CDH18: variants seen among roughly 807,000 people sequenced by gnomAD.
CDH18 encodes cadherin-18.
In CDH18, 31 loss-of-function variants were observed where a neutral mutation model predicts 67.9. That is an observed-to-expected ratio of 0.46 (90% CI 0.34 to 0.62). The LOEUF is 0.62. Ranked by LOEUF, CDH18 falls within the 20% of genes least tolerant of loss-of-function variation. CDH18 has a pLI of 0.01. For synonymous variants in CDH18, 362 were observed against 347.2 expected, an observed-to-expected ratio of 1.04 and a Z score of -0.48; for missense variants, 890 against 975.5, an observed-to-expected ratio of 0.91 and a Z score of 1.17.
In CDH18 at chr5:19,571,788, T is replaced by C. The variant is rs142596747; in HGVS notation, c.1044A>G (p.Glu348=). The change falls in exon 8 of 13, where the codon GAA becomes GAG. Residue 348 remains glutamate, a synonymous_variant. Transcript: ENST00000382275. ...GAAAATCAAGATGTGTATTTGCTCC[T>C]TCTATGTTGAGGGTATATGACTTCT... The part of the protein sequence containing the change: ...EKKKSYTLNI[E]GANTHLDFRF... 3.3e-5 allele frequency: 53 copies of C among 1,613,614 alleles called. No homozygotes were observed. In the African/African-American group the frequency reaches 6.8e-4, roughly 21 times the overall value.
intron 7 of CDH18, among the ~76,000 whole-genome samples, chr5:19,586,453 G>A (rs1238707741): frequency 6.6e-6 from 1 of 152,062 alleles, no homozygotes; most frequent in Non-Finnish European, 1.5e-5. Flanking sequence ...GTCAGAGCAC[G>A]TCGTATTTGG....
chr5:20,255,874 T>C (rs1744195818), intron 1 of CDH18, among the ~76,000 whole-genome samples: 1 of 150,188 alleles, frequency 6.7e-6, no homozygotes. Context: ...AAATATAAAC[T>C]ATTTTAGTGA....
intron 2 of CDH18, among the ~76,000 whole-genome samples, chr5:19,973,018 A>C (rs2150341055): frequency 6.6e-6 from 1 of 152,144 alleles, no homozygotes; most frequent in South Asian, 2.1e-4. Flanking sequence ...TCGTTAATAA[A>C]AGAAATGGCA....
At chr5:20,142,483 G>C (rs1750320832) in intron 2 of CDH18, among the ~76,000 whole-genome samples, 1 of 151,880 alleles carries the variant, frequency 6.6e-6, no homozygotes, top group South Asian at 2.1e-4. Flanking sequence ...GGGTGGCAGA[G>C]GCACGAGAAT....
At chr5:20,229,699 C>T (rs1167285235) in intron 2 of CDH18, among the ~76,000 whole-genome samples, 1 of 151,506 alleles carries the variant, frequency 6.6e-6, no homozygotes, top group Non-Finnish European at 1.5e-5. Context: ...TCTTCAATTC[C>T]ATATATTTTT....
intron 2 of CDH18, among the ~76,000 whole-genome samples, chr5:20,126,209 C>T (rs1045576132): frequency 6.6e-5 from 10 of 152,168 alleles, no homozygotes; most frequent in Middle Eastern, 3.4e-3. Flanking sequence ...ATACACGCTA[C>T]GAAAGGATAG....
At chr5:19,658,734 G>A (rs1023609237) in intron 5 of CDH18, among the ~76,000 whole-genome samples, 1 of 151,336 alleles carries the variant, frequency 6.6e-6, no homozygotes, top group Non-Finnish European at 1.5e-5. Flanking sequence ...CATGCGCCAT[G>A]TTGGTGTGCT....
At chr5:19,752,439 A>G (rs1200546618) in intron 3 of CDH18, among the ~76,000 whole-genome samples, 1 of 152,054 alleles carries the variant, frequency 6.6e-6, no homozygotes, top group South Asian at 2.1e-4. Context: ...TGCAGAACTC[A>G]GCAGAGGCAG....
intron 2 of CDH18, among the ~76,000 whole-genome samples, chr5:20,119,762 T>C (rs1429334692): frequency 6.6e-6 from 1 of 152,162 alleles, no homozygotes; most frequent in African/African-American, 2.4e-5. Context: ...GAAGCTCATA[T>C]AACATAAGAA....
chr5:20,013,588 T>C (rs752931772), intron 2 of CDH18, among the ~76,000 whole-genome samples: 1 of 152,088 alleles, frequency 6.6e-6, no homozygotes, highest in Non-Finnish European at 1.5e-5. Flanking sequence ...AATGTTTTCA[T>C]GAATTTTATT....
intron 1 of CDH18, among the ~76,000 whole-genome samples, chr5:20,307,521 A>ATCT (rs1301645566): frequency 6.6e-6 from 1 of 152,224 alleles, no homozygotes; most frequent in Admixed American, 6.5e-5. Flanking sequence ...AGCACTAGAG[A>ATCT]AGACATGAAT....
intron 2 of CDH18, among the ~76,000 whole-genome samples, chr5:20,030,446 T>A (rs776609193): frequency 1.3e-5 from 2 of 152,174 alleles, no homozygotes; most frequent in Non-Finnish European, 2.9e-5. Flanking sequence ...TACATCTGAT[T>A]ATTGTAGTTT....
intron 2 of CDH18, among the ~76,000 whole-genome samples, chr5:20,081,074 C>G (rs1744429709): frequency 6.6e-6 from 1 of 152,022 alleles, no homozygotes; most frequent in Non-Finnish European, 1.5e-5. Context: ...GTAGTATTTA[C>G]TCAGGAAATG....
chr5:19,519,842 C>G (rs887054455), intron 10 of CDH18, among the ~76,000 whole-genome samples: 1 of 152,046 alleles, frequency 6.6e-6, no homozygotes, highest in Non-Finnish European at 1.5e-5. Flanking sequence ...ACTGAATGTT[C>G]CCAACAGCCC....
chr5:19,613,451 C>T (rs150630038), intron 5 of CDH18, among the ~76,000 whole-genome samples: 56 of 152,146 alleles, frequency 3.7e-4, no homozygotes, highest in African/African-American at 1.3e-3. Flanking sequence ...TGTTAGAAAA[C>T]AACTTTAAGG....
At chr5:19,902,408 T>G (rs565526170) in intron 2 of CDH18, among the ~76,000 whole-genome samples, 1 of 152,124 alleles carries the variant, frequency 6.6e-6, no homozygotes, top group Non-Finnish European at 1.5e-5. Flanking sequence ...AATGGCTTAT[T>G]CCCAGGAAAG....
In CDH18 at chr5:20,444,851, A is replaced by G. The variant is rs530917734; in HGVS notation, c.-580+130611T>C. On this transcript the variant is annotated intron_variant, in intron 1 of 14. Coordinates refer to the CDH18 transcript ENST00000507958. Reference sequence around the variant, plus strand: ...ATAAAAAGAAAATAAATCCTATAAGAGAGATGCTTCCAGTCTGGCAGTCAA... The same window carrying G: ...ATAAAAAGAAAATAAATCCTATAAGGGAGATGCTTCCAGTCTGGCAGTCAA... Among the ~76,000 whole-genome samples, 8 of 151,990 alleles carry G rather than the reference A, an allele frequency of 5.3e-5. No individual in the cohort carries two copies. The South Asian group carries it at 1.5e-3, about 28-fold the overall frequency.
At chr5:19,633,015 G>A (rs75350769) in intron 5 of CDH18, among the ~76,000 whole-genome samples, 33 of 152,126 alleles carry the variant, frequency 2.2e-4, no homozygotes, top group African/African-American at 7.7e-4. Context: ...AGTGGCCAAC[G>A]TAGTGTGCTC....
rs4866182 is a variant in CDH18, at chr5:20,342,268, G to C, written c.-579-86763C>G. ...ACCCTGATGAAGCTGGGGACACTAA[G>C]TTTGTAAACTCTGATGAACCTATTT... On this transcript the variant is annotated intron_variant, in intron 1 of 14. Coordinates refer to the CDH18 transcript ENST00000507958. Among the ~76,000 whole-genome samples the C allele has an allele frequency of 5.7e-3, 875 of 152,186 alleles. 5 individuals carry two copies. Among genetic ancestry groups the C allele is most frequent in the South Asian group, 0.027 (128 of 4,812 alleles).
Sources: gnomAD v4.1 joint callset for allele counts (sites outside exome capture counted in the v4.1 genomes callset) on GRCh38, gnomAD v4.1.1 for gene constraint, MANE v1.5 for transcripts, NCBI Gene and HGNC (gene_info 2026-07-23, HGNC 2026-07-21) for gene names.